The following ENOPH1 variants were observed in gnomAD, a reference collection of about 807,000 sequenced individuals.
ENOPH1 encodes the protein enolase-phosphatase E1.
Under a neutral mutation model 31.1 loss-of-function variants are expected in ENOPH1, and 14 were observed. That is an observed-to-expected ratio of 0.45 (90% confidence interval 0.30 to 0.70). The LOEUF (loss-of-function observed/expected upper bound fraction) is 0.70. ENOPH1 is among the 30% of genes least tolerant of loss of function. ENOPH1 has a pLI of 0.09. For synonymous variants in ENOPH1, 127 were observed against 123.2 expected (o/e 1.03, Z -0.21); for missense variants, 243 against 321.5 (o/e 0.76, Z 1.87).
intron 4 of ENOPH1, among the ~76,000 whole-genome samples, chr4:82,455,286 T>TGC (rs1020022209): frequency 6.6e-6 from 1 of 152,198 alleles, no homozygotes; most frequent in African/African-American, 2.4e-5. Flanking sequence ...AGAAAATTCT[T>TGC]GCTAGCCCCT....
chr4:82,458,691 G>T (rs1722563302), intron 5 of ENOPH1, among the ~76,000 whole-genome samples: 1 of 152,166 alleles, frequency 6.6e-6, no homozygotes, highest in Non-Finnish European at 1.5e-5. Flanking sequence ...GGATTGTGAT[G>T]GCTTAACTTG....
chr4:82,436,686 C>CAATAAAAA (rs1721912741), intron 1 of ENOPH1, among the ~76,000 whole-genome samples: 1 of 110,842 alleles, frequency 9.0e-6, no homozygotes. Context: ...GACCCTGTCT[C>CAATAAAAA]AAAAAAAAAA....
chr4:82,447,677 C>T (rs1192648052), intron 1 of ENOPH1, among the ~76,000 whole-genome samples: 1 of 152,208 alleles, frequency 6.6e-6, no homozygotes, highest in Non-Finnish European at 1.5e-5. Flanking sequence ...TCCAATAAAA[C>T]TTCATTTACA....
At position 82,454,746 on chromosome 4, in the gene ENOPH1, A is replaced by C. The variant is rs1421229974; in HGVS notation, c.414A>C (p.Ala138=). 1.2e-6 allele frequency: 2 copies of C among 1,613,656 alleles called. No individual in the cohort carries two copies. The highest frequency in any genetic ancestry group is 1.7e-5 in the Admixed American group (1 of 59,770). ...GGTTCTTTGCAGATGTAGTTCCAGC[A>C]GTCAGGAAGTGGAGAGAGGCCGGAA... ...KAEFFADVVP[A]VRKWREAGMK... Residue 138 remains alanine (A), a synonymous_variant, in exon 4 of 6, where the codon GCA becomes GCC. Coordinates refer to ENST00000273920, the MANE Select transcript of ENOPH1 (RefSeq NM_021204.5).
Position 82,430,719 on chromosome 4 carries a change from T to A in ENOPH1, c.-111T>A. On this transcript the variant is annotated 5_prime_UTR_variant, in exon 1 of 6. Transcript: ENST00000273920. ...CTGCACTTGGTCGCTGGCTCCGAGA[T>A]CGCGCGGGGCCGCCGGAAGCCCAAG... 1.0e-6 allele frequency: 1 copy of A among 980,218 alleles called. No homozygotes were observed. The highest frequency in any genetic ancestry group is 1.6e-6 in the Non-Finnish European group (1 of 643,484). 60.7% of individuals were successfully genotyped at this position (980,218 alleles called of 1,614,324 possible). A position where few individuals can be genotyped will look rare whatever the true frequency, so the allele number is the denominator to read the frequency against.
intron 2 of ENOPH1, among the ~76,000 whole-genome samples, chr4:82,448,697 G>A (rs1722262024): frequency 6.6e-6 from 1 of 151,904 alleles, no homozygotes; most frequent in Non-Finnish European, 1.5e-5. Context: ...CGAGGTGGGT[G>A]GATCACTCGA....
intron 1 of ENOPH1, among the ~76,000 whole-genome samples, chr4:82,446,008 T>C (rs1176309435): frequency 6.6e-6 from 1 of 152,194 alleles, no homozygotes; most frequent in Non-Finnish European, 1.5e-5. Context: ...CTCAGGAAAG[T>C]TGAATGAATA....
chr4:82,438,990 A>G (rs1430713515), intron 1 of ENOPH1, among the ~76,000 whole-genome samples: 1 of 152,186 alleles, frequency 6.6e-6, no homozygotes, highest in African/African-American at 2.4e-5. Flanking sequence ...TCAGAAGAGG[A>G]GTGGAAACCA....
At chr4:82,437,474 T>C (rs902343334) in intron 1 of ENOPH1, among the ~76,000 whole-genome samples, 1 of 152,246 alleles carries the variant, frequency 6.6e-6, no homozygotes, top group Non-Finnish European at 1.5e-5. Flanking sequence ...CCTTTCTTGC[T>C]GCCACCATTC....
At chr4:82,448,303 C>T (rs1486082201) in intron 2 of ENOPH1, among the ~76,000 whole-genome samples, 2 of 151,040 alleles carry the variant, frequency 1.3e-5, no homozygotes, top group Non-Finnish European at 2.9e-5. Flanking sequence ...ACTTCGTTGC[C>T]CAGGCTGGAG....
intron 1 of ENOPH1, among the ~76,000 whole-genome samples, chr4:82,445,436 T>C (rs1722150842): frequency 6.6e-6 from 1 of 152,218 alleles, no homozygotes; most frequent in South Asian, 2.1e-4. Context: ...TCTGCTAACA[T>C]GTTGACTGTA....
At chr4:82,445,134 G>A (rs1722144115) in intron 1 of ENOPH1, among the ~76,000 whole-genome samples, 1 of 152,072 alleles carries the variant, frequency 6.6e-6, no homozygotes, top group Non-Finnish European at 1.5e-5. Flanking sequence ...AGGATGAGGT[G>A]GGACGATCTC....
chr4:82,452,977 C>T (rs1462981767), intron 3 of ENOPH1, among the ~76,000 whole-genome samples: 1 of 150,844 alleles, frequency 6.6e-6, no homozygotes, highest in Non-Finnish European at 1.5e-5. Context: ...TCTCAGCTCG[C>T]TGCAAGCTCC....
Position 82,451,156 on chromosome 4 carries a change from G to A in ENOPH1, c.300G>A (p.Gln100=), listed in dbSNP as rs759731485. Residue 100 remains glutamine, a synonymous_variant, in exon 3 of 6, where the codon CAG becomes CAA. Coordinates refer to ENST00000273920, the MANE Select transcript of ENOPH1 (RefSeq NM_021204.5). The part of the protein sequence containing the change: ...IQAVVDNVCW[Q]MSLDRKTTAL... ...CCGTGGTAGATAATGTGTGCTGGCA[G>A]ATGTCCCTGGATCGAAAGACCACTG... is the stretch of plus-strand genomic sequence containing the variant. 8.7e-6 allele frequency: 14 copies of A among 1,614,248 alleles called. No individual in the cohort carries two copies. The highest frequency in any genetic ancestry group is 3.3e-4 in the Middle Eastern group (2 of 6,062).
At chr4:82,444,342 C>T (rs1169857085) in intron 1 of ENOPH1, among the ~76,000 whole-genome samples, 2 of 152,132 alleles carry the variant, frequency 1.3e-5, no homozygotes, top group African/African-American at 4.8e-5. Flanking sequence ...TTGTCTCAGC[C>T]TCCGGAGTAG....
At chr4:82,450,560 G>C (rs1409599070) in intron 2 of ENOPH1, among the ~76,000 whole-genome samples, 2 of 152,170 alleles carry the variant, frequency 1.3e-5, no homozygotes, top group African/African-American at 4.8e-5. Context: ...GTGGCTACTA[G>C]GATTTTTGCA....
intron 1 of ENOPH1, among the ~76,000 whole-genome samples, chr4:82,444,537 C>G (rs981764942): frequency 6.6e-6 from 1 of 152,134 alleles, no homozygotes. Flanking sequence ...ATTCTATGAC[C>G]TTTTCATTAA....
intron 1 of ENOPH1, among the ~76,000 whole-genome samples, chr4:82,440,750 C>T (rs1466405052): frequency 6.6e-6 from 1 of 152,108 alleles, no homozygotes; most frequent in Non-Finnish European, 1.5e-5. Context: ...AACAGTGTAT[C>T]TTTTGTTAAT....
At chr4:82,444,523 A>C (rs1722132381) in intron 1 of ENOPH1, among the ~76,000 whole-genome samples, 1 of 152,200 alleles carries the variant, frequency 6.6e-6, no homozygotes, top group Non-Finnish European at 1.5e-5. Context: ...TTTGATTTTT[A>C]TTAATTCTAT....
Sources: gnomAD v4.1 joint callset for allele counts (sites outside exome capture counted in the v4.1 genomes callset) on GRCh38, gnomAD v4.1.1 for gene constraint, MANE v1.5 for transcripts, NCBI Gene and HGNC (gene_info 2026-07-23, HGNC 2026-07-21) for gene names.